The following C1QTNF9 variants were observed in gnomAD, a reference collection of about 807,000 sequenced individuals.
C1QTNF9 encodes the protein complement C1q and tumor necrosis factor-related protein 9A.
A neutral mutation model predicts 10.1 loss-of-function variants in C1QTNF9; 6 were observed. The observed-to-expected ratio is 0.59, with a 90% CI of 0.32 to 1.17. C1QTNF9 has a LOEUF of 1.17. Among genes scored for constraint, C1QTNF9 ranks in the 50% most tolerant of loss-of-function variants. C1QTNF9 has a pLI of 0.04. For synonymous variants in C1QTNF9, 98 were observed against 163.5 expected (o/e 0.60, Z 3.06); for missense variants, 201 against 418.8 (o/e 0.48, Z 4.54).
intron 1 of C1QTNF9, among the ~76,000 whole-genome samples, chr13:24,314,508 C>T (rs1376045013): frequency 6.6e-6 from 1 of 152,098 alleles, no homozygotes; most frequent in Non-Finnish European, 1.5e-5. Context: ...CATGGTGAAA[C>T]CCCGTCTCTA....
At chr13:24,319,933 G>A (rs1432882679) in intron 3 of C1QTNF9, among the ~76,000 whole-genome samples, 2 of 152,194 alleles carry the variant, frequency 1.3e-5, no homozygotes, top group Non-Finnish European at 2.9e-5. Context: ...GACGTCCTGT[G>A]TGCATATGGG....
At chr13:24,321,782 A>G in exon 4 of C1QTNF9, 1 of 1,538,636 alleles carries the variant, frequency 6.5e-7, no homozygotes, top group Non-Finnish European at 8.7e-7. Context: ...AGGAGAGTTT[A>G]AAAATCCGCC....
chr13:24,313,417 A>G (rs1163889855), intron 1 of C1QTNF9, among the ~76,000 whole-genome samples: 1 of 152,202 alleles, frequency 6.6e-6, no homozygotes, highest in Non-Finnish European at 1.5e-5. Context: ...CATTTTGAAA[A>G]GTTAAAATGA....
intron 1 of C1QTNF9, among the ~76,000 whole-genome samples, chr13:24,310,247 G>A (rs998219667): frequency 6.6e-5 from 10 of 151,722 alleles, no homozygotes; most frequent in South Asian, 2.1e-4. Flanking sequence ...TCCGCCTCCC[G>A]GGTTCACACC....
intron 1 of C1QTNF9, chr13:24,315,628 T>A: frequency 2.9e-6 from 1 of 345,018 alleles, no homozygotes; most frequent in South Asian, 1.1e-4. Context: ...CGTGATAAAA[T>A]TTGATCTGTA....
chr13:24,310,768 C>T (rs986521859), intron 1 of C1QTNF9, among the ~76,000 whole-genome samples: 20 of 151,614 alleles, frequency 1.3e-4, no homozygotes, highest in Admixed American at 1.3e-4. Flanking sequence ...AAAAATTAGC[C>T]AGGCGTGGTG....
chr13:24,307,500 G>A (rs1476562173), upstream of C1QTNF9, among the ~76,000 whole-genome samples: 1 of 152,262 alleles, frequency 6.6e-6, no homozygotes, highest in Non-Finnish European at 1.5e-5. Context: ...GCTCAGAAGA[G>A]CTAAGTCAAC....
At position 24,315,665 on chromosome 13, in the gene C1QTNF9, T is replaced by C. The variant is rs1877993409; in HGVS notation, c.-22-317T>C. 4 of 467,374 alleles carry C rather than the reference T, an allele frequency of 8.6e-6. No individual in the cohort carries two copies. The South Asian group carries it at 2.0e-4, about 23-fold the overall frequency. The allele number at this position is 467,374 out of a possible 1,614,324, so 29.0% of individuals were successfully genotyped here. Reference sequence around the variant, plus strand: ...GACAGTCCTGTGAGATAAGTAAGCATTGATCTCTGGTTCAGAAAAGTGATT... The same window carrying C: ...GACAGTCCTGTGAGATAAGTAAGCACTGATCTCTGGTTCAGAAAAGTGATT... On this transcript the variant is annotated intron_variant, in intron 1 of 3. Coordinates refer to ENST00000332018, the Ensembl canonical transcript of C1QTNF9.
intron 1 of C1QTNF9, among the ~76,000 whole-genome samples, chr13:24,310,808 A>G (rs1467271143): frequency 6.8e-6 from 1 of 147,872 alleles, no homozygotes; most frequent in Non-Finnish European, 1.5e-5. Flanking sequence ...GCTACGCGGG[A>G]GGCTGAGGCA....
intron 2 of C1QTNF9, among the ~76,000 whole-genome samples, chr13:24,317,962 A>G (rs961812772): frequency 7.2e-5 from 11 of 152,076 alleles, no homozygotes; most frequent in African/African-American, 2.4e-4. Context: ...TCCCAGGAGA[A>G]CAGACATCGT....
At chr13:24,317,287 T>TGTGTGTG (rs56654126) in intron 2 of C1QTNF9, among the ~76,000 whole-genome samples, 57 of 144,212 alleles carry the variant, frequency 4.0e-4, no homozygotes, top group African/African-American at 1.1e-3. Flanking sequence ...GTGTGTGTAT[T>TGTGTGTG]GTATTTCTGA....
At chr13:24,312,954 C>CA (rs34668112) in intron 1 of C1QTNF9, among the ~76,000 whole-genome samples, 63,349 of 115,438 alleles carry the variant, frequency 0.55, 16,750 homozygotes, top group East Asian at 0.72. Context: ...GACTCTATCT[C>CA]AAAAAAAAAA....
At chr13:24,308,311 C>G (rs1032255786), upstream of C1QTNF9, among the ~76,000 whole-genome samples, 3 of 152,204 alleles carry the variant, frequency 2.0e-5, no homozygotes, top group African/African-American at 7.2e-5. Context: ...CGCGTTCCGT[C>G]GGGGCCGCCT....
upstream of C1QTNF9, among the ~76,000 whole-genome samples, chr13:24,308,106 A>G (rs1333494636): frequency 6.6e-6 from 1 of 152,046 alleles, no homozygotes; most frequent in African/African-American, 2.4e-5. Flanking sequence ...GACGTGGGAG[A>G]GCCCGGAATG....
chr13:24,310,220 C>T (rs568042322), intron 1 of C1QTNF9, among the ~76,000 whole-genome samples: 1 of 148,266 alleles, frequency 6.7e-6, no homozygotes, highest in Non-Finnish European at 1.5e-5. Flanking sequence ...GTGGCAGGAT[C>T]TCAGCTCACT....
chr13:24,321,762 C>T (rs146015836), exon 4 of C1QTNF9: 50 of 1,565,442 alleles, frequency 3.2e-5, no homozygotes, highest in Non-Finnish European at 4.3e-5. Context: ...TGTTCAGCAG[C>T]CCGTGACAGA....
chr13:24,317,590 T>A (rs1440463194), intron 2 of C1QTNF9, among the ~76,000 whole-genome samples: 1 of 150,186 alleles, frequency 6.7e-6, no homozygotes, highest in East Asian at 1.9e-4. Context: ...ACACTAAAAA[T>A]TTACTTCATT....
At chr13:24,315,562 G>T (rs1349999556) in intron 1 of C1QTNF9, among the ~76,000 whole-genome samples, 2 of 151,956 alleles carry the variant, frequency 1.3e-5, no homozygotes, top group Non-Finnish European at 2.9e-5. Context: ...GGAATTGCTG[G>T]ATCAGATGGT....
Position 24,317,970 on chromosome 13 carries a change from C to T in C1QTNF9, c.167-848C>T, listed in dbSNP as rs373276743. Among the ~76,000 whole-genome samples the T allele has an allele frequency of 2.6e-5, 4 of 152,104 alleles. No individual in the cohort carries two copies. The East Asian group carries it at 5.8e-4, about 22-fold the overall frequency. Reference sequence around the variant, plus strand: ...GCTGGTGTCCCAGGAGAACAGACATCGTGACAGAAATAAGTCTGCCTGTGT... The same window carrying T: ...GCTGGTGTCCCAGGAGAACAGACATTGTGACAGAAATAAGTCTGCCTGTGT... On this transcript the variant is annotated intron_variant, in intron 2 of 3. Transcript: ENST00000332018.
Sources: allele counts gnomAD v4.1 joint callset (sites outside exome capture counted in the v4.1 genomes callset), GRCh38; gene constraint gnomAD v4.1.1; transcripts MANE v1.5; gene names NCBI Gene and HGNC (gene_info 2026-07-23, HGNC 2026-07-21).